SOD2: variants seen among roughly 807,000 people sequenced by gnomAD.
The protein encoded by SOD2 is superoxide dismutase 2.
A neutral mutation model predicts 27.0 loss-of-function variants in SOD2; 11 were observed. That is an observed-to-expected ratio of 0.41 (90% CI 0.26 to 0.67). SOD2 has a LOEUF of 0.67. Among genes scored for constraint, SOD2 ranks in the 30% least tolerant of loss-of-function variants. SOD2 has a pLI of 0.34. For missense variants in SOD2, 250 were observed against 274.5 expected (o/e 0.91, Z 0.63); for synonymous variants, 105 against 103.0 (o/e 1.02, Z -0.12).
intron 3 of SOD2, among the ~76,000 whole-genome samples, chr6:159,685,853 G>A (rs5746120): frequency 1.3e-5 from 2 of 152,140 alleles, no homozygotes; most frequent in Non-Finnish European, 2.9e-5. Context: ...ATTTTTTAAT[G>A]AATCGTGTTA....
At position 159,672,372 on chromosome 6, in the gene SOD2, C is replaced by T. The variant is rs1039973026; in HGVS notation, c.*10121G>A. On this transcript the variant is annotated 3_prime_UTR_variant, in exon 5 of 5. Transcript: ENST00000538183. ...GTCGGGTTACCCACAAAGGGAAGCC[C>T]ATCAGACTAACAGCTGATCTCTCAG... 3.9e-5 allele frequency: 6 copies of T among 152,170 alleles called. No individual in the cohort carries two copies. Among genetic ancestry groups the T allele is most frequent in the African/African-American group, 1.2e-4 (5 of 41,426 alleles). The allele number at this position is 152,170 out of a possible 1,614,324, so 9.4% of individuals were successfully genotyped here.
rs1380377211 is a variant in SOD2 at position 159,712,271 on chromosome 6, ACTCACATT to A, written c.-116+14850_-116+14857del. Among the ~76,000 whole-genome samples, 9 of 137,620 alleles carry A rather than the reference ACTCACATT, an allele frequency of 6.5e-5. 1 individual carries two copies. The highest frequency in any genetic ancestry group is 1.4e-4 in the Non-Finnish European group (9 of 63,618). 90.3% of individuals were successfully genotyped at this position (137,620 alleles called of 152,430 possible). A position where few individuals can be genotyped will look rare whatever the true frequency, so the allele number is the denominator to read the frequency against. On this transcript the variant is annotated intron_variant, in intron 1 of 2. Transcript: ENST00000401980. ...CACCCTAACCACCTCCATAACCACC[ACTCACATT>A]GCTCTGATCACCATAACCACCTCCA...
upstream of SOD2, chr6:159,727,413 C>G: frequency 1.3e-6 from 1 of 760,868 alleles, no homozygotes; most frequent in Non-Finnish European, 1.7e-6. Flanking sequence ...GGCAGTGGCG[C>G]TGGCCTGCGG....
In SOD2 at chr6:159,670,098, C is replaced by T. The variant is rs1217165447; in HGVS notation, c.*12395G>A. On this transcript the variant is annotated 3_prime_UTR_variant, in exon 5 of 5. Transcript: ENST00000538183. ...TCACAGCTCACTGTAGACTCCAACTCATGACCTCAAGGGATCCTCCCAACT... is the reference window on the plus strand; with the variant it reads ...TCACAGCTCACTGTAGACTCCAACTTATGACCTCAAGGGATCCTCCCAACT... 2.0e-5 allele frequency: 3 copies of T among 152,232 alleles called. No individual in the cohort carries two copies. Among genetic ancestry groups the T allele is most frequent in the Non-Finnish European group, 2.9e-5 (2 of 68,076 alleles). 9.4% of individuals were successfully genotyped at this position (152,232 alleles called of 1,614,324 possible).
At chr6:159,727,447 G>GGGGCA, upstream of SOD2, 1 of 1,093,434 alleles carries the variant, frequency 9.1e-7, no homozygotes, top group Non-Finnish European at 1.1e-6. Context: ...GCTGTGGGGC[G>GGGGCA]GGGCAGGGCG....
In SOD2 at chr6:159,717,897, A is replaced by ATGTG. The variant is rs66742481; in HGVS notation, c.-116+9228_-116+9231dup. On this transcript the variant is annotated intron_variant, in intron 1 of 2. Coordinates refer to the SOD2 transcript ENST00000401980. ...TATTCATACATATATATGTATGGAT[A>ATGTG]TGTGTGTGTGTGTGTGTGTGTGTGT... Among the ~76,000 whole-genome samples the ATGTG allele has an allele frequency of 6.7e-3, 999 of 149,576 alleles. 7 individuals carry two copies. The highest frequency in any genetic ancestry group is 0.021 in the African/African-American group (839 of 40,464).
intron 1 of SOD2, among the ~76,000 whole-genome samples, chr6:159,733,590 G>A (rs888881084): frequency 4.0e-5 from 6 of 151,268 alleles, no homozygotes; most frequent in African/African-American, 1.5e-4. Context: ...CCACTGCACT[G>A]TGGTCTAGGT....
chr6:159,749,877 C>T (rs1779758473), upstream of SOD2, among the ~76,000 whole-genome samples: 1 of 152,166 alleles, frequency 6.6e-6, no homozygotes, highest in Admixed American at 6.6e-5. Context: ...TTCTATAAGT[C>T]ACCAATTCAA....
intron 1 of SOD2, among the ~76,000 whole-genome samples, chr6:159,758,394 C>T (rs999471102): frequency 6.6e-6 from 1 of 152,174 alleles, no homozygotes; most frequent in African/African-American, 2.4e-5. Flanking sequence ...ACAGAGAGCG[C>T]AATAGATGTC....
chr6:159,743,541 A>T, intron 1 of SOD2: 1 of 958,688 alleles, frequency 1.0e-6, no homozygotes, highest in Non-Finnish European at 1.5e-6. Flanking sequence ...GCCTGTTATA[A>T]AAGTAGTTAG....
At chr6:159,754,160 A>G (rs76277986) in intron 1 of SOD2, among the ~76,000 whole-genome samples, 3,038 of 152,316 alleles carry the variant, frequency 0.02, 112 homozygotes, top group African/African-American at 0.069. Flanking sequence ...AATAAGGAAA[A>G]TATCCAAATT....
intron 1 of SOD2, chr6:159,736,247 T>C (rs1422692984): frequency 1.9e-6 from 3 of 1,588,108 alleles, no homozygotes; most frequent in Admixed American, 3.5e-5. Context: ...TTCCGCAACT[T>C]TTTTTTTTAG....
At chr6:159,736,518 A>G (rs1376559072) in intron 1 of SOD2, 1 of 409,260 alleles carries the variant, frequency 2.4e-6, no homozygotes, top group East Asian at 3.6e-5. Context: ...GGAAAACTTT[A>G]GTTATAATAA....
chr6:159,697,034 G>GAC (rs35334577), upstream of SOD2, among the ~76,000 whole-genome samples: 21,495 of 132,508 alleles, frequency 0.16, 1,767 homozygotes, highest in Non-Finnish European at 0.19. Context: ...AGGAGACCCT[G>GAC]ACACACACAC....
At chr6:159,727,395 A>AGGCGGGAGGCGCGT, upstream of SOD2, 1 of 1,049,168 alleles carries the variant, frequency 9.5e-7, no homozygotes, top group Non-Finnish European at 1.2e-6. Context: ...GGGAGGCGGG[A>AGGCGGGAGGCGCGT]GGCGGGAGGC....
intron 1 of SOD2, chr6:159,712,849 C>G (rs1408005831): frequency 1.7e-6 from 1 of 605,702 alleles, no homozygotes. Flanking sequence ...CCACTTGCCC[C>G]TGCTGTAGAT....
At chr6:159,707,573 G>A (rs1777651583) in intron 1 of SOD2, among the ~76,000 whole-genome samples, 4 of 152,250 alleles carry the variant, frequency 2.6e-5, no homozygotes, top group South Asian at 4.1e-4. Flanking sequence ...CCACAAAGAA[G>A]TTGAATCTCT....
At chr6:159,716,896 A>C (rs758920290) in intron 1 of SOD2, among the ~76,000 whole-genome samples, 5 of 152,142 alleles carry the variant, frequency 3.3e-5, no homozygotes, top group Non-Finnish European at 7.4e-5. Flanking sequence ...CTCAAACACA[A>C]TTTAGAAGTT....
intron 1 of SOD2, chr6:159,736,451 G>A: frequency 1.6e-6 from 1 of 606,758 alleles, no homozygotes; most frequent in South Asian, 2.3e-5. Context: ...GAGTTGTACA[G>A]TGTGCCAGAT....
Sources: allele counts gnomAD v4.1 joint callset (sites outside exome capture counted in the v4.1 genomes callset), GRCh38; gene constraint gnomAD v4.1.1; transcripts MANE v1.5; gene names NCBI Gene and HGNC (gene_info 2026-07-23, HGNC 2026-07-21).